Variants in MTUS2 observed in about 807,000 individuals in gnomAD.
MTUS2 encodes the protein microtubule-associated tumor suppressor candidate 2.
A neutral mutation model predicts 114.1 loss-of-function variants in MTUS2; 40 were observed. The observed-to-expected ratio is 0.35, with a 90% CI of 0.27 to 0.46. MTUS2 has a LOEUF of 0.46. Ranked by LOEUF, MTUS2 falls within the 20% of genes least tolerant of loss-of-function variation. The pLI is 1.00. For missense variants in MTUS2, 1,679 were observed against 1,705.4 expected (o/e 0.98, Z 0.27); for synonymous variants, 688 against 672.0 (o/e 1.02, Z -0.37).
At chr13:29,348,914 C>T (rs1475947178) in intron 7 of MTUS2, among the ~76,000 whole-genome samples, 1 of 152,056 alleles carries the variant, frequency 6.6e-6, no homozygotes, top group African/African-American at 2.4e-5. Context: ...CCATACTAAC[C>T]TTTTCATCTA....
intron 4 of MTUS2, among the ~76,000 whole-genome samples, chr13:29,077,105 G>A (rs764613663): frequency 3.3e-5 from 5 of 152,194 alleles, no homozygotes; most frequent in Non-Finnish European, 7.3e-5. Flanking sequence ...ACAAAATGCA[G>A]ATCTGTAATA....
At position 29,470,979 on chromosome 13, in the gene MTUS2, C is replaced by T. The variant is rs533080418; in HGVS notation, c.3185-9171C>T. Among the ~76,000 whole-genome samples, 11 of 152,330 alleles carry T rather than the reference C, an allele frequency of 7.2e-5. No individual in the cohort carries two copies. The East Asian group carries it at 1.7e-3, about 24-fold the overall frequency. ...AGCTGAACTTGCCTTCCCCTTTCCC[C>T]GGTCTTTCCCTAGCCTTGCTTCTAT... On this transcript the variant is annotated intron_variant, in intron 9 of 15. Transcript: ENST00000612955.
chr13:28,938,949 T>C (rs1882073611), intron 2 of MTUS2, among the ~76,000 whole-genome samples: 1 of 152,194 alleles, frequency 6.6e-6, no homozygotes, highest in African/African-American at 2.4e-5. Flanking sequence ...TGATAGTAGG[T>C]GGACTGTGCA....
At chr13:29,219,773 G>T (rs892379755) in intron 5 of MTUS2, among the ~76,000 whole-genome samples, 25 of 152,134 alleles carry the variant, frequency 1.6e-4, no homozygotes, top group Admixed American at 1.3e-4. Flanking sequence ...CTTTAATGTT[G>T]TGGAGGAACC....
At chr13:29,454,527 G>C (rs1878965410) in intron 9 of MTUS2, among the ~76,000 whole-genome samples, 1 of 152,164 alleles carries the variant, frequency 6.6e-6, no homozygotes, top group Non-Finnish European at 1.5e-5. Context: ...CTCTTTGTAG[G>C]CAGATCTACC....
chr13:28,892,830 G>T (rs561193650), intron 2 of MTUS2, among the ~76,000 whole-genome samples: 7 of 152,224 alleles, frequency 4.6e-5, no homozygotes, highest in Non-Finnish European at 1.0e-4. Context: ...GGCAGAAAGT[G>T]ATGCAAGCCA....
intron 2 of MTUS2, among the ~76,000 whole-genome samples, chr13:28,914,994 T>A (rs1880667816): frequency 6.6e-6 from 1 of 152,060 alleles, no homozygotes; most frequent in Non-Finnish European, 1.5e-5. Context: ...TCTTTGCATA[T>A]GAGATGGGTC....
chr13:29,485,602 G>T (rs1463588412), intron 10 of MTUS2, among the ~76,000 whole-genome samples: 2 of 152,192 alleles, frequency 1.3e-5, no homozygotes, highest in Non-Finnish European at 2.9e-5. Flanking sequence ...CGGAAAGGTT[G>T]TAAGGAATAT....
chr13:29,491,041 GT>G (rs1882030598), intron 11 of MTUS2, among the ~76,000 whole-genome samples: 2 of 151,038 alleles, frequency 1.3e-5, no homozygotes, highest in African/African-American at 4.9e-5. Context: ...GGGTTTGTGT[GT>G]GTGTGTGTGG....
Position 29,039,456 on chromosome 13 carries a change from C to A in MTUS2, c.2446+5331C>A, listed in dbSNP as rs326509. 4.2e-4 allele frequency among the ~76,000 whole-genome samples: 64 copies of A among 152,210 alleles called. 3 individuals are homozygous for A. Among genetic ancestry groups the A allele is most frequent in the Non-Finnish European group, 7.3e-5 (5 of 68,044 alleles). ...GGCCGGCGCGTCACGGAATCAGGGACGTCACAGGGCGCAGCTGCAGCGGGG... is the reference window on the plus strand; with the variant it reads ...GGCCGGCGCGTCACGGAATCAGGGAAGTCACAGGGCGCAGCTGCAGCGGGG... On this transcript the variant is annotated intron_variant, in intron 4 of 15. Coordinates refer to ENST00000612955, the MANE Select transcript of MTUS2 (RefSeq NM_001033602.4).
chr13:29,007,469 C>A (rs540406015), intron 2 of MTUS2, among the ~76,000 whole-genome samples: 2 of 152,176 alleles, frequency 1.3e-5, no homozygotes, highest in Non-Finnish European at 2.9e-5. Context: ...TGTCTTACTG[C>A]GTATTCTTAC....
At chr13:28,848,940 C>A (rs1876068799) in intron 2 of MTUS2, among the ~76,000 whole-genome samples, 2 of 152,184 alleles carry the variant, frequency 1.3e-5, no homozygotes, top group Admixed American at 1.3e-4. Context: ...CTTACCACCC[C>A]AAATGCCAGT....
At chr13:29,100,116 A>G (rs185439491) in intron 4 of MTUS2, among the ~76,000 whole-genome samples, 1 of 152,302 alleles carries the variant, frequency 6.6e-6, no homozygotes, top group East Asian at 1.9e-4. Flanking sequence ...CTAGATTTGC[A>G]AAGTCAGTGT....
At chr13:29,271,708 C>T (rs1332576625) in intron 5 of MTUS2, among the ~76,000 whole-genome samples, 1 of 152,178 alleles carries the variant, frequency 6.6e-6, no homozygotes, top group Non-Finnish European at 1.5e-5. Context: ...AGCATTTGCT[C>T]GATGCTTACT....
chr13:29,439,959 C>A, intron 8 of MTUS2, 24 bp from the exon 9 acceptor site: 1 of 1,557,042 alleles, frequency 6.4e-7, no homozygotes, highest in Non-Finnish European at 8.7e-7. Context: ...AGGGGACTCT[C>A]GGTATCCGTT....
intron 5 of MTUS2, among the ~76,000 whole-genome samples, chr13:29,189,788 G>T (rs1894373032): frequency 6.6e-6 from 1 of 152,098 alleles, no homozygotes; most frequent in African/African-American, 2.4e-5. Flanking sequence ...CCTTTGGAAG[G>T]TCTACTTGTT....
In MTUS2 at chr13:29,281,769, A is replaced by G; in HGVS notation, c.2710A>G (p.Lys904Glu). ...ATCTCTGCCTTCTAAGGACACACCC[A>G]AGGGGGCCGGCCGGGTGGCCCCTCC... ...KASLPSKDTP[K>E]GAGRVAPPAS... The change falls in exon 6 of 16, where the codon AAG becomes GAG. Residue 904 changes from lysine to glutamate, a missense_variant. Physicochemically the swap from Lys to Glu is moderately conservative, Grantham distance 56 (BLOSUM62 1). Transcript: ENST00000612955. 1 of 1,612,374 alleles carries G rather than the reference A, an allele frequency of 6.2e-7. No homozygotes were observed. The highest frequency in any genetic ancestry group is 8.5e-7 in the Non-Finnish European group (1 of 1,178,596).
At chr13:29,045,220 A>G (rs778271348) in intron 4 of MTUS2, among the ~76,000 whole-genome samples, 1 of 152,204 alleles carries the variant, frequency 6.6e-6, no homozygotes. Flanking sequence ...TTTGGCTGCT[A>G]TAACAAATAC....
intron 2 of MTUS2, among the ~76,000 whole-genome samples, chr13:28,898,053 A>G (rs1879394525): frequency 6.6e-6 from 1 of 151,584 alleles, no homozygotes; most frequent in Admixed American, 6.6e-5. Flanking sequence ...AGTATAAAAA[A>G]AAAGAACAGG....
Sources: gnomAD v4.1 joint callset for allele counts (sites outside exome capture counted in the v4.1 genomes callset) on GRCh38, gnomAD v4.1.1 for gene constraint, MANE v1.5 for transcripts, NCBI Gene and HGNC (gene_info 2026-07-23, HGNC 2026-07-21) for gene names.